Variants in GASK1B observed in about 807,000 individuals in gnomAD.
GASK1B encodes the protein Golgi-associated kinase 1B.
GASK1B carries 34 observed loss-of-function variants against 42.8 expected under a neutral mutation model. The ratio of observed to expected loss-of-function variants is 0.79; its 90% CI spans 0.60 to 1.06. The LOEUF is 1.06. Among genes scored for constraint, GASK1B ranks in the 50% least tolerant of loss-of-function variants. The pLI is 0.00. For synonymous variants in GASK1B, 262 were observed against 259.1 expected, an observed-to-expected ratio of 1.01 and a Z score of -0.11; for missense variants, 686 against 661.0, an observed-to-expected ratio of 1.04 and a Z score of -0.42.
rs544032767 is a variant in GASK1B at position 158,125,962 on chromosome 4, A to G, written c.*1445T>C. ...GTAGTTCTCTTTCACACAGATATTG[A>G]GTTAACCTTGACCAGAACAAAGAAA... On this transcript the variant is annotated 3_prime_UTR_variant, in exon 5 of 5. Coordinates refer to ENST00000585682, the MANE Select transcript of GASK1B (RefSeq NM_001128424.2). The G allele has an allele frequency of 6.6e-6, 1 of 152,144 alleles. No homozygotes were observed. The highest frequency in any genetic ancestry group is 6.6e-5 in the Admixed American group (1 of 15,256). The allele number at this position is 152,144 out of a possible 1,614,324, so 9.4% of individuals were successfully genotyped here. A position where few individuals can be genotyped will look rare whatever the true frequency, so the allele number is the denominator to read the frequency against.
intron 3 of GASK1B, among the ~76,000 whole-genome samples, chr4:158,136,362 C>T (rs1242117742): frequency 6.6e-6 from 1 of 151,806 alleles, no homozygotes; most frequent in Non-Finnish European, 1.5e-5. Flanking sequence ...AGAAAATGCA[C>T]TGTGCCTATA....
intron 2 of GASK1B, among the ~76,000 whole-genome samples, chr4:158,161,997 A>C (rs1230823545): frequency 1.3e-5 from 2 of 151,850 alleles, no homozygotes; most frequent in Non-Finnish European, 2.9e-5. Context: ...GTGCCCCTAA[A>C]CCCTAATCTG....
At chr4:158,140,810 T>C (rs938216359) in intron 3 of GASK1B, among the ~76,000 whole-genome samples, 1 of 152,206 alleles carries the variant, frequency 6.6e-6, no homozygotes, top group African/African-American at 2.4e-5. Flanking sequence ...GCTATGTCTA[T>C]AACTAGACTT....
At chr4:158,136,353 G>GA (rs1186261890) in intron 3 of GASK1B, among the ~76,000 whole-genome samples, 2 of 151,802 alleles carry the variant, frequency 1.3e-5, no homozygotes, top group African/African-American at 4.8e-5. Flanking sequence ...AGGACCCCCA[G>GA]AAAATGCACT....
chr4:158,127,321 A>G lies in GASK1B; in HGVS notation c.*86T>C, dbSNP rs1730493231. ...TTCATCTACACTGCCTCATTGCTAAACGGGCTTGAGGTTGATGTGCTTGAT... is the reference window on the plus strand; with the variant it reads ...TTCATCTACACTGCCTCATTGCTAAGCGGGCTTGAGGTTGATGTGCTTGAT... On this transcript the variant is annotated 3_prime_UTR_variant, in exon 5 of 5. Transcript: ENST00000585682. The G allele has an allele frequency of 9.0e-7, 1 of 1,116,736 alleles. No homozygotes were observed. Among genetic ancestry groups the G allele is most frequent in the South Asian group, 1.5e-5 (1 of 68,674 alleles). 69.2% of individuals were successfully genotyped at this position (1,116,736 alleles called of 1,614,324 possible).
intron 3 of GASK1B, among the ~76,000 whole-genome samples, chr4:158,154,684 G>T (rs1022596196): frequency 1.3e-5 from 2 of 152,154 alleles, no homozygotes; most frequent in African/African-American, 4.8e-5. Flanking sequence ...GCATAAAGAG[G>T]TATGAAATAA....
Sources: allele counts gnomAD v4.1 joint callset (sites outside exome capture counted in the v4.1 genomes callset), GRCh38; gene constraint gnomAD v4.1.1; transcripts MANE v1.5; gene names NCBI Gene and HGNC (gene_info 2026-07-23, HGNC 2026-07-21).